The following NCOA2 variants were observed in gnomAD, a reference collection of about 807,000 sequenced individuals.
NCOA2 encodes class E basic helix-loop-helix protein 75.
A neutral mutation model predicts 145.1 loss-of-function variants in NCOA2; 21 were observed. The ratio of observed to expected loss-of-function variants is 0.14; its 90% CI spans 0.10 to 0.21. The LOEUF (loss-of-function observed/expected upper bound fraction) is 0.21, where lower values mean the gene tolerates loss of function less well. Ranked by LOEUF, NCOA2 falls within the 10% of genes least tolerant of loss-of-function variation. NCOA2 has a pLI of 1.00. For synonymous variants in NCOA2, 619 were observed against 637.5 expected (o/e 0.97, Z 0.44); for missense variants, 1,472 against 1,837.6 (o/e 0.80, Z 3.64).
chr8:70,403,546 G>C (rs565894425), intron 1 of NCOA2, among the ~76,000 whole-genome samples, 154 bp downstream of exon 1: 1 of 151,250 alleles, frequency 6.6e-6, no homozygotes, highest in South Asian at 2.1e-4. Flanking sequence ...TCCGGCGGCG[G>C]TCCCCGCACA....
chr8:70,300,642 A>G (rs985982146), intron 1 of NCOA2, among the ~76,000 whole-genome samples: 1 of 152,362 alleles, frequency 6.6e-6, no homozygotes, highest in South Asian at 2.1e-4. Context: ...GATATGCTCA[A>G]TATTTCATTT....
the NCOA2 span, among the ~76,000 whole-genome samples, chr8:70,451,278 C>T: frequency 1.0e-4 from 14 of 137,892 alleles, no homozygotes; most frequent in East Asian, 2.3e-3. Flanking sequence ...CATGGCAGCA[C>T]GCACCTGTAG....
intron 1 of NCOA2, among the ~76,000 whole-genome samples, chr8:70,322,016 T>C: frequency 6.6e-6 from 1 of 151,814 alleles, no homozygotes; most frequent in Non-Finnish European, 1.5e-5. Context: ...CGTGGGAGGC[T>C]GAGGCAGGAG....
In NCOA2 at chr8:70,365,824, T is replaced by C. The variant is rs567708538; in HGVS notation, c.-77+37876A>G. Among the ~76,000 whole-genome samples, 4 of 152,170 alleles carry C rather than the reference T, an allele frequency of 2.6e-5. No individual in the cohort carries two copies. In the East Asian group the frequency reaches 5.8e-4, roughly 22 times the overall value. ...AAAAAGAGAAAGAAATGAGTAAATA[T>C]GACAATGAAAGAAGAGGATAAATTT... On this transcript the variant is annotated intron_variant, in intron 1 of 22. Coordinates refer to ENST00000452400, the MANE Select transcript of NCOA2 (RefSeq NM_006540.4).
the NCOA2 span, among the ~76,000 whole-genome samples, chr8:70,431,984 A>C: frequency 6.6e-6 from 1 of 152,224 alleles, no homozygotes; most frequent in African/African-American, 2.4e-5. Context: ...ATCAAAGTTT[A>C]TTTGAACGGA....
intron 2 of NCOA2, among the ~76,000 whole-genome samples, chr8:70,274,287 T>C (rs914747284): frequency 3.3e-5 from 5 of 152,080 alleles, no homozygotes; most frequent in Non-Finnish European, 7.4e-5. Flanking sequence ...TAAAAGTGCT[T>C]GGTGGTTCTC....
rs193014755 is a variant in NCOA2 at position 70,160,007 on chromosome 8, C to T, written c.977-355G>A. On this transcript the variant is annotated intron_variant, in intron 9 of 22. Transcript: ENST00000452400. ...ATTTGCTTAAAATGGTAGAAAACAA[C>T]ACAATGTATAAACAGGGTATCTCTT... 1.4e-3 allele frequency among the ~76,000 whole-genome samples: 210 copies of T among 152,278 alleles called. 2 individuals carry two copies. The highest frequency in any genetic ancestry group is 2.7e-3 in the Non-Finnish European group (183 of 67,996).
intron 1 of NCOA2, among the ~76,000 whole-genome samples, chr8:70,375,316 T>C (rs561910980): frequency 1.3e-5 from 2 of 152,328 alleles, no homozygotes; most frequent in African/African-American, 4.8e-5. Context: ...CCCAACTCCG[T>C]ATGCCAAAAA....
At chr8:70,329,490 C>G (rs1010276169) in intron 1 of NCOA2, among the ~76,000 whole-genome samples, 5 of 152,098 alleles carry the variant, frequency 3.3e-5, no homozygotes, top group Admixed American at 2.6e-4. Context: ...ATCCTCCCAA[C>G]TGGACCTCCC....
chr8:70,167,663 G>A (rs1813772415), intron 6 of NCOA2, among the ~76,000 whole-genome samples: 1 of 152,128 alleles, frequency 6.6e-6, no homozygotes, highest in Non-Finnish European at 1.5e-5. Context: ...TGAAAATACA[G>A]TGCAAATGTC....
At chr8:70,301,655 C>CA (rs71275063) in intron 1 of NCOA2, among the ~76,000 whole-genome samples, 3,795 of 59,830 alleles carry the variant, frequency 0.063, 256 homozygotes, top group African/African-American at 0.13. Flanking sequence ...GACCCTTTCT[C>CA]AAAAAAAAAA....
chr8:70,243,216 A>C lies in NCOA2; in HGVS notation c.-19-26452T>G, dbSNP rs113545571. Reference sequence around the variant, plus strand: ...TCTAGCTGTAGAAGATTATTTAAAAAACAAAAAGTATTTCTGTTCTGAAAC... The same window carrying C: ...TCTAGCTGTAGAAGATTATTTAAAACACAAAAAGTATTTCTGTTCTGAAAC... On this transcript the variant is annotated intron_variant, in intron 2 of 22. Coordinates refer to ENST00000452400, the MANE Select transcript of NCOA2 (RefSeq NM_006540.4). 3.5e-3 allele frequency among the ~76,000 whole-genome samples: 476 copies of C among 136,090 alleles called. 5 individuals are homozygous for C. The highest frequency in any genetic ancestry group is 0.012 in the African/African-American group (463 of 38,092). The allele number at this position is 136,090 out of a possible 152,430, so 89.3% of individuals were successfully genotyped here.
At chr8:70,215,758 T>A (rs976868568) in intron 3 of NCOA2, among the ~76,000 whole-genome samples, 2 of 152,236 alleles carry the variant, frequency 1.3e-5, no homozygotes, top group South Asian at 2.1e-4. Flanking sequence ...GGTAACTATT[T>A]GCCCAGTTCT....
chr8:70,363,616 T>C (rs556225551), intron 1 of NCOA2, among the ~76,000 whole-genome samples: 5 of 152,222 alleles, frequency 3.3e-5, no homozygotes, highest in African/African-American at 9.6e-5. Context: ...TAAAAAGGAA[T>C]AAACTACTCA....
In NCOA2 at chr8:70,400,672, A is replaced by C. The variant is rs80132199; in HGVS notation, c.-77+3028T>G. 4.7e-4 allele frequency among the ~76,000 whole-genome samples: 72 copies of C among 152,288 alleles called. 1 individual carries two copies. In the East Asian group the frequency reaches 0.012, roughly 25 times the overall value. On this transcript the variant is annotated intron_variant, in intron 1 of 22. Transcript: ENST00000452400. The stretch of plus-strand genomic sequence containing the variant: ...TTCTCTGTTTTTACTATTTTATTAC[A>C]AAAAACATCTCAAGAGCCACAGCAA...
chr8:70,293,418 A>G (rs529280442), intron 2 of NCOA2, among the ~76,000 whole-genome samples: 1 of 152,354 alleles, frequency 6.6e-6, no homozygotes, highest in East Asian at 1.9e-4. Context: ...TTAGGCCTTG[A>G]TATGCTTAAT....
At chr8:70,441,252 G>T in the NCOA2 span, among the ~76,000 whole-genome samples, 1 of 136,508 alleles carries the variant, frequency 7.3e-6, no homozygotes, top group Non-Finnish European at 1.6e-5. Context: ...GAAAGAGAAA[G>T]AAAGGGGAAA....
chr8:70,142,217 G>T (rs1254591298), intron 13 of NCOA2, among the ~76,000 whole-genome samples: 1 of 152,218 alleles, frequency 6.6e-6, no homozygotes, highest in Non-Finnish European at 1.5e-5. Context: ...TCTTCATTTT[G>T]AAGTGTTTAA....
At chr8:70,254,910 AT>A (rs1423850152) in intron 2 of NCOA2, among the ~76,000 whole-genome samples, 1 of 152,200 alleles carries the variant, frequency 6.6e-6, no homozygotes, top group Non-Finnish European at 1.5e-5. Context: ...TAATATAAAT[AT>A]TTCTTTACTT....
Sources: allele counts gnomAD v4.1 joint callset (sites outside exome capture counted in the v4.1 genomes callset), GRCh38; gene constraint gnomAD v4.1.1; transcripts MANE v1.5; gene names NCBI Gene and HGNC (gene_info 2026-07-23, HGNC 2026-07-21).